Variants in FCGR2B observed in about 807,000 individuals in gnomAD.
FCGR2B encodes low affinity immunoglobulin gamma Fc region receptor II-b.
Under a neutral mutation model 24.8 loss-of-function variants are expected in FCGR2B, and 18 were observed. The observed-to-expected ratio is 0.73, with a 90% CI of 0.50 to 1.08. The LOEUF is 1.08. Ranked by LOEUF, FCGR2B falls within the 50% of genes least tolerant of loss-of-function variation. FCGR2B has a pLI of 0.00. For synonymous variants in FCGR2B, 79 were observed against 109.8 expected (o/e 0.72, Z 1.75); for missense variants, 215 against 297.6 (o/e 0.72, Z 2.04).
intron 2 of FCGR2B, among the ~76,000 whole-genome samples, chr1:161,671,103 A>G (rs533072302): frequency 6.6e-6 from 1 of 152,196 alleles, no homozygotes; most frequent in South Asian, 2.1e-4. Flanking sequence ...GGAGAGAGAG[A>G]AAGAACTGGT....
At chr1:161,661,096 A>AGT (rs1448685325), upstream of FCGR2B, among the ~76,000 whole-genome samples, 25 of 100,046 alleles carry the variant, frequency 2.5e-4, no homozygotes, top group Middle Eastern at 4.9e-3. Flanking sequence ...AGTAAAGTAA[A>AGT]AAGAAAGAGA....
chr1:161,672,884 C>T, intron 3 of FCGR2B, 91 bp from the exon 4 acceptor site: 2 of 1,557,870 alleles, frequency 1.3e-6, no homozygotes, highest in Middle Eastern at 2.0e-4. Flanking sequence ...GCTGTTCCCT[C>T]TGCACATCGT....
intron 7 of FCGR2B, 21 bp downstream of exon 7, chr1:161,677,386 C>T (rs1682237465): frequency 3.7e-6 from 6 of 1,612,444 alleles, no homozygotes; most frequent in Admixed American, 3.3e-5. Flanking sequence ...CCAGCCATCT[C>T]CCCCTCCCTT....
At chr1:161,672,622 G>A in intron 3 of FCGR2B, 2 of 378,138 alleles carry the variant, frequency 5.3e-6, no homozygotes, top group South Asian at 3.5e-5. Context: ...TGGCATCTTA[G>A]GGTCTCTTGT....
At chr1:161,675,191 G>C in intron 5 of FCGR2B, 66 bp from the exon 6 acceptor site, 3 of 1,102,192 alleles carry the variant, frequency 2.7e-6, no homozygotes, top group Non-Finnish European at 4.1e-6. Context: ...CCTGGCCCTG[G>C]TCCTTGGTCC....
the FCGR2B span, among the ~76,000 whole-genome samples, chr1:161,650,348 A>G: frequency 6.9e-6 from 1 of 145,588 alleles, no homozygotes; most frequent in Non-Finnish European, 1.5e-5. Flanking sequence ...TATATATTAT[A>G]TATGATAAAT....
In FCGR2B at chr1:161,677,732, T is replaced by C. The variant is rs1682267496; in HGVS notation, c.*179T>C. On this transcript the variant is annotated 3_prime_UTR_variant, in exon 8 of 8. Transcript: ENST00000358671. ...CCTGTCCTGAAAGCCACAGACAATA[T>C]GGTCCCAAATAACCGACTGCACCTT... 2 of 584,974 alleles carry C rather than the reference T, an allele frequency of 3.4e-6. No homozygotes were observed. Among genetic ancestry groups the C allele is most frequent in the Admixed American group, 3.3e-5 (1 of 30,512 alleles). 36.2% of individuals were successfully genotyped at this position (584,974 alleles called of 1,614,324 possible).
At chr1:161,649,572 G>A in the FCGR2B span, among the ~76,000 whole-genome samples, 3 of 150,644 alleles carry the variant, frequency 2.0e-5, no homozygotes, top group African/African-American at 4.9e-5. Context: ...GAATTGGAAC[G>A]GAGCAAGACT....
chr1:161,672,628 C>G (rs1681768642), intron 3 of FCGR2B: 1 of 401,992 alleles, frequency 2.5e-6, no homozygotes, highest in Non-Finnish European at 4.5e-6. Context: ...CTTAGGGTCT[C>G]TTGTGTTCTT....
At position 161,677,363 on chromosome 1, in the gene FCGR2B, G is replaced by A; in HGVS notation, c.853G>A (p.Gly285Arg). The A allele has an allele frequency of 6.2e-7, 1 of 1,613,544 alleles. No homozygotes were observed. The highest frequency in any genetic ancestry group is 8.5e-7 in the Non-Finnish European group (1 of 1,179,804). ...PTNPDEADKVGAENTITYSLL... is the reference protein window; with the variant it reads ...PTNPDEADKVRAENTITYSLL... ...TAATCCTGATGAGGCTGACAAAGTT[G>A]GGGTGAGTGATCCCAGCCATCTCCC... Residue 285 changes from glycine (G) to arginine (R), a missense_variant and splice_region_variant, in exon 7 of 8, where the codon GGG becomes AGG. Transcript: ENST00000358671.
chr1:161,672,638 TC>T (rs771644303), intron 3 of FCGR2B: 8 of 420,358 alleles, frequency 1.9e-5, no homozygotes, highest in Non-Finnish European at 3.4e-5. Context: ...CTTGTGTTCT[TC>T]CTGCAGAGGC....
chr1:161,647,939 C>T, the FCGR2B span, among the ~76,000 whole-genome samples: 17 of 150,980 alleles, frequency 1.1e-4, 1 homozygote, highest in African/African-American at 4.2e-4. Flanking sequence ...GTAGACGACC[C>T]TTCGTCTTGT....
intron 2 of FCGR2B, among the ~76,000 whole-genome samples, 176 bp from the exon 3 acceptor site, chr1:161,671,216 G>T (rs60737164): frequency 1.3e-5 from 2 of 152,110 alleles, no homozygotes; most frequent in African/African-American, 4.8e-5. Flanking sequence ...CCCTGGGGCC[G>T]TTGTGGTGGG....
chr1:161,650,142 G>A, the FCGR2B span, among the ~76,000 whole-genome samples: 2 of 149,110 alleles, frequency 1.3e-5, no homozygotes, highest in African/African-American at 5.0e-5. Context: ...TGAGTTGCTG[G>A]GACTACACGC....
chr1:161,675,363 G>A (rs770197721), intron 6 of FCGR2B, 50 bp downstream of exon 6: 55 of 1,356,942 alleles, frequency 4.1e-5, no homozygotes, highest in East Asian at 3.2e-4. Context: ...CAGGGCTGCC[G>A]GCTGGACTGG....
chr1:161,677,160 G>A (rs547046965), intron 6 of FCGR2B, 168 bp from the exon 7 acceptor site: 4 of 687,602 alleles, frequency 5.8e-6, no homozygotes, highest in African/African-American at 1.8e-5. Context: ...CCTATGCATC[G>A]ATCAATGAGG....
intron 3 of FCGR2B, 83 bp downstream of exon 3, chr1:161,671,732 G>A (rs946439184): frequency 5.1e-5 from 81 of 1,596,420 alleles, no homozygotes; most frequent in Non-Finnish European, 5.3e-5. Flanking sequence ...TGCAGGAAAG[G>A]GGGGTGGCCT....
chr1:161,648,779 T>C, the FCGR2B span, among the ~76,000 whole-genome samples: 3 of 150,934 alleles, frequency 2.0e-5, no homozygotes, highest in Admixed American at 2.0e-4. Context: ...AACCTCTATG[T>C]TCCAGGTTCA....
the FCGR2B span, among the ~76,000 whole-genome samples, chr1:161,651,823 A>G: frequency 8.0e-6 from 1 of 125,078 alleles, no homozygotes; most frequent in African/African-American, 2.7e-5. Context: ...ATCCCAGCTA[A>G]TTGGGAGGGT....
Sources: allele counts gnomAD v4.1 joint callset (sites outside exome capture counted in the v4.1 genomes callset), GRCh38; gene constraint gnomAD v4.1.1; transcripts MANE v1.5; gene names NCBI Gene and HGNC (gene_info 2026-07-23, HGNC 2026-07-21).